RTL4: variants seen among roughly 807,000 people sequenced by gnomAD.
RTL4 encodes retrotransposon Gag-like protein 4.
In RTL4, 4 loss-of-function variants were observed where a neutral mutation model predicts 5.3. That is an observed-to-expected ratio of 0.75 (90% CI 0.37 to 1.72). The LOEUF is 1.72. Among genes scored for constraint, RTL4 ranks in the 40% most tolerant of loss-of-function variants. RTL4 has a pLI of 0.04. For synonymous variants in RTL4, 98 were observed against 87.3 expected (o/e 1.12, Z -0.68); for missense variants, 260 against 227.1 (o/e 1.14, Z -0.93).
the RTL4 span, among the ~76,000 whole-genome samples, chrX:112,163,434 C>G: frequency 9.0e-6 from 1 of 111,433 alleles, no homozygotes. Flanking sequence ...TGAGTCCAAT[C>G]TCATCTCTGC....
chrX:112,353,218 C>G, the RTL4 span, among the ~76,000 whole-genome samples: 1 of 111,651 alleles, frequency 9.0e-6, no homozygotes, highest in African/African-American at 3.3e-5. Context: ...AATAGGAACG[C>G]TTTTACACTG....
chrX:112,106,780 A>G, the RTL4 span, among the ~76,000 whole-genome samples: 2 of 111,940 alleles, frequency 1.8e-5, no homozygotes, highest in African/African-American at 6.5e-5. Context: ...TGAGCACTTT[A>G]AAAATATACC....
chrX:112,226,868 G>A, the RTL4 span, among the ~76,000 whole-genome samples: 1,883 of 107,614 alleles, frequency 0.017, 40 homozygotes, highest in African/African-American at 0.06. Context: ...CCCAAGAGGC[G>A]GAGGTTGCAG....
At chrX:112,370,145 C>T in the RTL4 span, among the ~76,000 whole-genome samples, 1 of 111,156 alleles carries the variant, frequency 9.0e-6, no homozygotes, top group African/African-American at 3.3e-5. Flanking sequence ...GTAAGATTAT[C>T]GAGTATGAGT....
At chrX:112,135,178 G>A in the RTL4 span, among the ~76,000 whole-genome samples, 1 of 111,924 alleles carries the variant, frequency 8.9e-6, no homozygotes, top group African/African-American at 3.2e-5. Context: ...AACATTATAT[G>A]AGATTTCTAA....
chrX:112,139,163 G>A, the RTL4 span, among the ~76,000 whole-genome samples: 3 of 111,361 alleles, frequency 2.7e-5, no homozygotes, highest in South Asian at 1.1e-3. Flanking sequence ...ATACCATAGA[G>A]ATAAAGTGCC....
the RTL4 span, among the ~76,000 whole-genome samples, chrX:112,426,171 A>AT: frequency 6.3e-5 from 7 of 111,545 alleles, no homozygotes; most frequent in Admixed American, 4.8e-4. Flanking sequence ...TTCTAGCACC[A>AT]TTTGTTGAAA....
the RTL4 span, among the ~76,000 whole-genome samples, chrX:112,440,010 A>G: frequency 8.9e-6 from 1 of 111,747 alleles, no homozygotes; most frequent in Non-Finnish European, 1.9e-5. Flanking sequence ...GATATTTGCA[A>G]ATGAGAATGA....
chrX:112,418,495 C>T, the RTL4 span, among the ~76,000 whole-genome samples: 1 of 111,763 alleles, frequency 8.9e-6, no homozygotes, highest in Admixed American at 9.5e-5. Flanking sequence ...ACAATCCCTG[C>T]AAAGCACACA....
the RTL4 span, among the ~76,000 whole-genome samples, chrX:112,420,802 T>C: frequency 8.9e-6 from 1 of 111,887 alleles, no homozygotes; most frequent in African/African-American, 3.2e-5. Context: ...CCACATATCA[T>C]ATGCCTGGCC....
chrX:112,424,228 CTT>C, the RTL4 span, among the ~76,000 whole-genome samples: 228 of 111,812 alleles, frequency 2.0e-3, 1 homozygote, highest in Non-Finnish European at 3.8e-3. Context: ...GATGAAAAAT[CTT>C]TAATAAATAT....
At chrX:112,316,864 T>C in the RTL4 span, among the ~76,000 whole-genome samples, 1 of 111,388 alleles carries the variant, frequency 9.0e-6, no homozygotes, top group Non-Finnish European at 1.9e-5. Context: ...TACAGACCTA[T>C]CAACTCCACT....
At chrX:112,133,930 C>T in the RTL4 span, among the ~76,000 whole-genome samples, 1 of 111,769 alleles carries the variant, frequency 8.9e-6, no homozygotes, top group Non-Finnish European at 1.9e-5. Flanking sequence ...TCAGTAATTT[C>T]TTCTTTCCTA....
chrX:112,431,837 G>A, the RTL4 span, among the ~76,000 whole-genome samples: 1 of 101,886 alleles, frequency 9.8e-6, no homozygotes, highest in African/African-American at 3.6e-5. Context: ...CCATTAACTC[G>A]TCATTTAGCA....
chrX:112,218,966 T>C, the RTL4 span, among the ~76,000 whole-genome samples: 1 of 111,792 alleles, frequency 8.9e-6, no homozygotes, highest in Non-Finnish European at 1.9e-5. Flanking sequence ...AGGATTCATA[T>C]AGGTGATAGA....
the RTL4 span, among the ~76,000 whole-genome samples, chrX:112,316,001 C>T: frequency 8.9e-6 from 1 of 111,961 alleles, no homozygotes. Context: ...CTTCATGAGA[C>T]GGAGTTATGC....
the RTL4 span, among the ~76,000 whole-genome samples, chrX:112,205,059 A>T: frequency 1.8e-5 from 2 of 112,088 alleles, no homozygotes; most frequent in Non-Finnish European, 3.8e-5. Flanking sequence ...GTTTACTTTT[A>T]TTCCACTTAT....
At chrX:112,085,120 G>A in the RTL4 span, among the ~76,000 whole-genome samples, 1 of 112,112 alleles carries the variant, frequency 8.9e-6, no homozygotes, top group Non-Finnish European at 1.9e-5. Context: ...CAGCCTTGGG[G>A]CTGGGTGGCT....
At chrX:112,170,470 C>A in the RTL4 span, among the ~76,000 whole-genome samples, 4 of 111,594 alleles carry the variant, frequency 3.6e-5, no homozygotes, top group African/African-American at 1.3e-4. Flanking sequence ...CTTCGCTTCC[C>A]TTGTTAGTTG....
Sources: allele counts gnomAD v4.1 joint callset (sites outside exome capture counted in the v4.1 genomes callset), GRCh38; gene constraint gnomAD v4.1.1; transcripts MANE v1.5; gene names NCBI Gene and HGNC (gene_info 2026-07-23, HGNC 2026-07-21).